Variants in TESC observed in about 807,000 individuals in gnomAD.
TESC encodes the protein tescalcin, also known as calcineurin B homologous protein 3.
A neutral mutation model predicts 31.0 loss-of-function variants in TESC; 19 were observed. The ratio of observed to expected loss-of-function variants is 0.61; its 90% CI spans 0.43 to 0.90. The LOEUF (loss-of-function observed/expected upper bound fraction) is 0.90. Among genes scored for constraint, TESC ranks in the 40% least tolerant of loss-of-function variants. The pLI is 0.00. For synonymous variants in TESC, 109 were observed against 114.8 expected (o/e 0.95, Z 0.32); for missense variants, 248 against 303.8 (o/e 0.82, Z 1.36).
At chr12:117,046,989 T>C (rs1297309653) in intron 4 of TESC, 151 bp from the exon 5 acceptor site, 1 of 793,176 alleles carries the variant, frequency 1.3e-6, no homozygotes. Flanking sequence ...GGGACCAGAC[T>C]GACTACTTCC....
At position 117,039,095 on chromosome 12, in the gene TESC, A is replaced by G. The variant is rs1402457660; in HGVS notation, c.*38T>C. ...TCCAGCTACGCGGGGAGGCGGCCCC[A>G]TTGCAAAGTGCAGTTTCTCCGCGGA... On this transcript the variant is annotated 3_prime_UTR_variant, in exon 8 of 8. Coordinates refer to ENST00000335209, the MANE Select transcript of TESC (RefSeq NM_017899.4). 1 of 1,609,132 alleles carries G rather than the reference A, an allele frequency of 6.2e-7. No individual in the cohort carries two copies. Among genetic ancestry groups the G allele is most frequent in the African/African-American group, 1.3e-5 (1 of 74,840 alleles).
chr12:117,073,492 A>G (rs773096240), intron 2 of TESC, among the ~76,000 whole-genome samples: 6 of 152,242 alleles, frequency 3.9e-5, no homozygotes, highest in Non-Finnish European at 7.3e-5. Flanking sequence ...GAAATTAAGA[A>G]TGAAATATAC....
intron 2 of TESC, among the ~76,000 whole-genome samples, chr12:117,072,197 G>A (rs1954983913): frequency 6.6e-6 from 1 of 152,114 alleles, no homozygotes; most frequent in African/African-American, 2.4e-5. Context: ...GGATGGGGTG[G>A]AAGAATAGCC....
intron 2 of TESC, among the ~76,000 whole-genome samples, chr12:117,068,578 G>A (rs1954918767): frequency 6.6e-6 from 1 of 152,138 alleles, no homozygotes; most frequent in South Asian, 2.1e-4. Context: ...ACAGGACCTG[G>A]AGTTAGGACA....
chr12:117,085,806 C>T (rs1482322671), intron 1 of TESC, among the ~76,000 whole-genome samples: 1 of 152,202 alleles, frequency 6.6e-6, no homozygotes, highest in East Asian at 1.9e-4. Context: ...GCTGCTTCCT[C>T]CTCCGTGATA....
intron 6 of TESC, among the ~76,000 whole-genome samples, chr12:117,042,438 G>A (rs935548082): frequency 1.3e-5 from 2 of 152,160 alleles, no homozygotes; most frequent in Non-Finnish European, 2.9e-5. Flanking sequence ...TCATGCCTGC[G>A]CTGTGCTGAT....
At chr12:117,068,466 T>A (rs1216083228) in intron 2 of TESC, among the ~76,000 whole-genome samples, 1 of 151,750 alleles carries the variant, frequency 6.6e-6, no homozygotes. Flanking sequence ...GACGGGGAGG[T>A]TGCAGTGAGC....
intron 2 of TESC, among the ~76,000 whole-genome samples, chr12:117,060,901 G>A (rs1593003758): frequency 6.6e-6 from 1 of 152,350 alleles, no homozygotes; most frequent in Admixed American, 6.5e-5. Flanking sequence ...TATGCTGCTA[G>A]CCAAACCCTC....
intron 2 of TESC, among the ~76,000 whole-genome samples, chr12:117,068,377 A>G (rs919255008): frequency 2.5e-4 from 38 of 152,266 alleles, no homozygotes; most frequent in African/African-American, 7.5e-4. Flanking sequence ...TAAAAATACA[A>G]AAATTAGCCA....
rs564241941 is a variant in TESC, at chr12:117,051,586, G to A, written c.210-2428C>T. ...TTTACAGAGCATAAAAATAGCCCCC[G>A]GACTTATCGGGCTGCTCTGAAAGCC... is the stretch of plus-strand genomic sequence containing the variant. On this transcript the variant is annotated intron_variant, in intron 3 of 7. Coordinates refer to ENST00000335209, the MANE Select transcript of TESC (RefSeq NM_017899.4). Among the ~76,000 whole-genome samples the A allele has an allele frequency of 9.9e-5, 15 of 152,264 alleles. No individual in the cohort carries two copies. In the South Asian group the frequency reaches 2.5e-3, roughly 25 times the overall value.
chr12:117,055,559 T>A (rs751838273), intron 3 of TESC, among the ~76,000 whole-genome samples: 22 of 152,324 alleles, frequency 1.4e-4, no homozygotes, highest in Admixed American at 5.9e-4. Flanking sequence ...GGTGACCTAG[T>A]GACTCACTTC....
At chr12:117,044,303 T>A (rs967897094) in intron 6 of TESC, among the ~76,000 whole-genome samples, 1 of 151,524 alleles carries the variant, frequency 6.6e-6, no homozygotes, top group African/African-American at 2.4e-5. Context: ...AAAAAAAAAA[T>A]GAAACCCAGC....
chr12:117,063,878 G>A (rs1954832508), intron 2 of TESC, among the ~76,000 whole-genome samples: 2 of 152,198 alleles, frequency 1.3e-5, no homozygotes, highest in Non-Finnish European at 2.9e-5. Flanking sequence ...GATACTCAAA[G>A]TGTGGTTTCT....
intron 1 of TESC, among the ~76,000 whole-genome samples, chr12:117,088,286 T>C (rs551287395): frequency 2.6e-5 from 4 of 152,138 alleles, no homozygotes; most frequent in Non-Finnish European, 5.9e-5. Flanking sequence ...CGAGTGGGTG[T>C]CTTTCAGAGC....
intron 6 of TESC, among the ~76,000 whole-genome samples, chr12:117,042,493 G>A (rs1270073469): frequency 6.6e-6 from 1 of 152,232 alleles, no homozygotes; most frequent in Non-Finnish European, 1.5e-5. Flanking sequence ...TCAGGGGAGA[G>A]GTCAGGGAAA....
chr12:117,041,338 C>A (rs1241363636), intron 7 of TESC, among the ~76,000 whole-genome samples: 1 of 151,984 alleles, frequency 6.6e-6, no homozygotes, highest in African/African-American at 2.4e-5. Flanking sequence ...TACAACAGGG[C>A]CTTTTTTTTT....
At chr12:117,089,215 G>C (rs1223095445) in intron 1 of TESC, among the ~76,000 whole-genome samples, 1 of 152,212 alleles carries the variant, frequency 6.6e-6, no homozygotes, top group Non-Finnish European at 1.5e-5. Context: ...TGTGGGGCAG[G>C]AGACCCAAAC....
intron 3 of TESC, among the ~76,000 whole-genome samples, chr12:117,053,103 C>CA (rs1954671996): frequency 2.6e-5 from 4 of 152,192 alleles, no homozygotes; most frequent in African/African-American, 9.7e-5. Flanking sequence ...GAGATGTGGT[C>CA]ACTTGTTTCA....
intron 2 of TESC, among the ~76,000 whole-genome samples, chr12:117,063,720 C>A (rs1313364529): frequency 1.3e-5 from 2 of 152,216 alleles, no homozygotes; most frequent in Non-Finnish European, 2.9e-5. Flanking sequence ...CCCCTTCCTG[C>A]ACTGCCTGCC....
Sources: gnomAD v4.1 joint callset for allele counts (sites outside exome capture counted in the v4.1 genomes callset) on GRCh38, gnomAD v4.1.1 for gene constraint, MANE v1.5 for transcripts, NCBI Gene and HGNC (gene_info 2026-07-23, HGNC 2026-07-21) for gene names.